WBP1L: variants seen among roughly 807,000 people sequenced by gnomAD.
The protein encoded by WBP1L is WW domain binding protein 1 like, also known as WW domain binding protein 1-like.
Under a neutral mutation model 33.7 loss-of-function variants are expected in WBP1L, and 17 were observed. The ratio of observed to expected loss-of-function variants is 0.50; its 90% CI spans 0.34 to 0.76. WBP1L has a LOEUF of 0.76. Ranked by LOEUF, WBP1L falls within the 30% of genes least tolerant of loss-of-function variation. The probability of loss-of-function intolerance (pLI) is 0.01; values close to 1 mark genes in which losing one functional copy is unlikely to be tolerated. For missense variants in WBP1L, 389 were observed against 469.4 expected, an observed-to-expected ratio of 0.83 and a Z score of 1.58; for synonymous variants, 173 against 190.8, an observed-to-expected ratio of 0.91 and a Z score of 0.77.
At chr10:102,790,101 T>C in intron 1 of WBP1L, among the ~76,000 whole-genome samples, 1 of 152,120 alleles carries the variant, frequency 6.6e-6, no homozygotes, top group East Asian at 1.9e-4. Context: ...AAATATTTCC[T>C]CTCCTCCATT....
chr10:102,749,696 A>G (rs1175739076), intron 1 of WBP1L, among the ~76,000 whole-genome samples: 1 of 151,894 alleles, frequency 6.6e-6, no homozygotes, highest in Non-Finnish European at 1.5e-5. Context: ...TCCTTGGCTC[A>G]AGTGATTTTC....
intron 1 of WBP1L, among the ~76,000 whole-genome samples, chr10:102,782,238 T>TTTTTTTTA (rs1554875481): frequency 6.8e-6 from 1 of 147,518 alleles, no homozygotes; most frequent in African/African-American, 2.5e-5. Context: ...TTTTTTTTTT[T>TTTTTTTTA]GAGGAACGTG....
At chr10:102,747,358 CAAAAAA>C (rs71019610) in intron 1 of WBP1L, among the ~76,000 whole-genome samples, 1 of 78,984 alleles carries the variant, frequency 1.3e-5, no homozygotes, top group Non-Finnish European at 2.5e-5. Flanking sequence ...GACTCCGTCT[CAAAAAA>C]AAAAAAAAAA....
intron 1 of WBP1L, among the ~76,000 whole-genome samples, chr10:102,779,386 C>T (rs1457319340): frequency 3.3e-5 from 5 of 151,682 alleles, no homozygotes; most frequent in Non-Finnish European, 7.4e-5. Flanking sequence ...CAACCTCTGC[C>T]TTCCGGTTTC....
chr10:102,763,086 C>T (rs1345503512), intron 1 of WBP1L, among the ~76,000 whole-genome samples: 1 of 151,862 alleles, frequency 6.6e-6, no homozygotes, highest in Admixed American at 6.6e-5. Context: ...TGCCTGTTGT[C>T]CCAGCTACTT....
chr10:102,763,502 A>G (rs532239664), intron 1 of WBP1L, among the ~76,000 whole-genome samples: 4 of 152,306 alleles, frequency 2.6e-5, no homozygotes, highest in South Asian at 2.1e-4. Flanking sequence ...AGATTAAGTC[A>G]TTCGCCCAGA....
Position 102,813,737 on chromosome 10 carries a change from G to T in WBP1L, c.*406G>T, listed in dbSNP as rs777616246. 1.1e-5 allele frequency: 2 copies of T among 178,878 alleles called. No homozygotes were observed. Among genetic ancestry groups the T allele is most frequent in the African/African-American group, 2.4e-5 (1 of 42,214 alleles). 11.1% of individuals were successfully genotyped at this position (178,878 alleles called of 1,614,324 possible). On this transcript the variant is annotated 3_prime_UTR_variant, in exon 4 of 4. Transcript: ENST00000448841. ...TGCTCTGATTCTAGTTTAAGAGAACGTTGCTGTATCTCAGTCCAGGAGAGG... is the reference window on the plus strand; with the variant it reads ...TGCTCTGATTCTAGTTTAAGAGAACTTTGCTGTATCTCAGTCCAGGAGAGG...
intron 1 of WBP1L, among the ~76,000 whole-genome samples, chr10:102,785,993 G>A (rs1319142887): frequency 5.9e-5 from 9 of 152,196 alleles, no homozygotes; most frequent in African/African-American, 2.2e-4. Context: ...TGCAACTTCC[G>A]ATTTTTGCTG....
intron 1 of WBP1L, among the ~76,000 whole-genome samples, chr10:102,755,836 G>C (rs1554872845): frequency 6.6e-6 from 1 of 151,556 alleles, no homozygotes; most frequent in Non-Finnish European, 1.5e-5. Context: ...ACGAGGTCAG[G>C]AGATCGAGAC....
At chr10:102,803,155 CAGA>C (rs1317359339) in intron 2 of WBP1L, among the ~76,000 whole-genome samples, 3 of 152,224 alleles carry the variant, frequency 2.0e-5, no homozygotes, top group Non-Finnish European at 4.4e-5. Context: ...GCTGGGCTTT[CAGA>C]AGAAGTTGCG....
At chr10:102,756,380 A>G (rs960199059) in intron 1 of WBP1L, among the ~76,000 whole-genome samples, 3 of 152,118 alleles carry the variant, frequency 2.0e-5, no homozygotes, top group African/African-American at 7.2e-5. Flanking sequence ...TCCATACTCC[A>G]GCCTGGGTGA....
At chr10:102,763,424 T>G (rs1310812421) in intron 1 of WBP1L, among the ~76,000 whole-genome samples, 1 of 152,080 alleles carries the variant, frequency 6.6e-6, no homozygotes, top group African/African-American at 2.4e-5. Flanking sequence ...ATGGGCCTCT[T>G]ATCACAGAAA....
chr10:102,746,434 G>T (rs1240699207), intron 1 of WBP1L, among the ~76,000 whole-genome samples: 5 of 151,930 alleles, frequency 3.3e-5, no homozygotes, highest in African/African-American at 9.7e-5. Flanking sequence ...CACTCCTGAC[G>T]CTCCCTATAC....
chr10:102,784,873 T>TA (rs1843392484), intron 1 of WBP1L, among the ~76,000 whole-genome samples: 1 of 9,188 alleles, frequency 1.1e-4, no homozygotes, highest in South Asian at 1.5e-3. Flanking sequence ...CTTTTTTTTC[T>TA]TTTTTTTTTT....
At chr10:102,804,024 A>G (rs1038221115) in intron 2 of WBP1L, 1 of 152,148 alleles carries the variant, frequency 6.6e-6, no homozygotes, top group African/African-American at 2.4e-5. Flanking sequence ...GAAGCACTCC[A>G]TAAAAAAAAG....
At chr10:102,800,511 G>A (rs998957824) in intron 2 of WBP1L, among the ~76,000 whole-genome samples, 8 of 152,178 alleles carry the variant, frequency 5.3e-5, no homozygotes, top group African/African-American at 1.2e-4. Flanking sequence ...CTGCATGAAC[G>A]GCTAAGTGTC....
intron 1 of WBP1L, among the ~76,000 whole-genome samples, chr10:102,767,894 G>T (rs1363050643): frequency 6.6e-6 from 1 of 152,180 alleles, no homozygotes; most frequent in East Asian, 1.9e-4. Context: ...GTGTACATGT[G>T]TAGGGCCTTG....
chr10:102,750,289 G>A (rs1475458454), intron 1 of WBP1L, among the ~76,000 whole-genome samples: 1 of 151,362 alleles, frequency 6.6e-6, no homozygotes. Context: ...CAGCTACTCA[G>A]GAGGCTGAGG....
At chr10:102,776,491 G>A (rs1030975587) in intron 1 of WBP1L, 1 of 1,597,860 alleles carries the variant, frequency 6.3e-7, no homozygotes. Flanking sequence ...TACTGCTTTG[G>A]GTGGAGGGAA....
Sources: allele counts gnomAD v4.1 joint callset (sites outside exome capture counted in the v4.1 genomes callset), GRCh38; gene constraint gnomAD v4.1.1; transcripts MANE v1.5; gene names NCBI Gene and HGNC (gene_info 2026-07-23, HGNC 2026-07-21).